The following CELF2 variants were observed in gnomAD, a reference collection of about 807,000 sequenced individuals.
CELF2 encodes CUGBP Elav-like family member 2, also known as CUG triplet repeat RNA-binding protein 2.
Under a neutral mutation model 62.6 loss-of-function variants are expected in CELF2, and 8 were observed. The observed-to-expected ratio is 0.13, with a 90% CI of 0.07 to 0.23. The LOEUF is 0.23. Ranked by LOEUF, CELF2 falls within the 10% of genes least tolerant of loss-of-function variation. The pLI is 1.00. For missense variants in CELF2, 333 were observed against 671.0 expected (o/e 0.50, Z 5.56); for synonymous variants, 258 against 250.0 (o/e 1.03, Z -0.30).
At chr10:10,941,909 G>C (rs1592204343) in intron 2 of CELF2, among the ~76,000 whole-genome samples, 1 of 149,030 alleles carries the variant, frequency 6.7e-6, no homozygotes, top group East Asian at 2.0e-4. Flanking sequence ...CAGAAGAATT[G>C]ATTGAACCTA....
At chr10:10,662,687 C>G in the CELF2 span, among the ~76,000 whole-genome samples, 1 of 142,320 alleles carries the variant, frequency 7.0e-6, no homozygotes, top group Non-Finnish European at 1.5e-5. Context: ...AATTTTAATG[C>G]TAAATTGACA....
chr10:10,892,887 G>A (rs1270744129), intron 1 of CELF2, among the ~76,000 whole-genome samples: 2 of 152,246 alleles, frequency 1.3e-5, no homozygotes, highest in Non-Finnish European at 2.9e-5. Context: ...TGTTTGTCAA[G>A]GAGGATGGAG....
the CELF2 span, among the ~76,000 whole-genome samples, chr10:10,596,021 T>C: frequency 6.6e-6 from 1 of 152,214 alleles, no homozygotes; most frequent in East Asian, 1.9e-4. Context: ...TCAATAAAGC[T>C]GTTTTCTTCT....
chr10:11,113,228 G>A (rs1793177740), intron 1 of CELF2, among the ~76,000 whole-genome samples: 2 of 152,184 alleles, frequency 1.3e-5, no homozygotes, highest in African/African-American at 2.4e-5. Flanking sequence ...TAAGCACTTT[G>A]TCATGTTTCC....
At chr10:11,064,949 C>A (rs1464429362) in intron 1 of CELF2, among the ~76,000 whole-genome samples, 1 of 152,176 alleles carries the variant, frequency 6.6e-6, no homozygotes, top group Non-Finnish European at 1.5e-5. Context: ...AGGAATGTTT[C>A]TTTCTCAAGA....
At chr10:10,874,524 C>T (rs2060965431) in intron 1 of CELF2, among the ~76,000 whole-genome samples, 1 of 151,176 alleles carries the variant, frequency 6.6e-6, no homozygotes, top group African/African-American at 2.4e-5. Flanking sequence ...ATAAATAGAT[C>T]TCTAAGGACT....
chr10:10,707,850 A>G, the CELF2 span, among the ~76,000 whole-genome samples: 3,980 of 152,270 alleles, frequency 0.026, 49 homozygotes, highest in Middle Eastern at 0.041. Context: ...CTCTAAATTC[A>G]CCCTTTGCTA....
At chr10:11,241,851 C>T (rs1378852164) in intron 3 of CELF2, among the ~76,000 whole-genome samples, 2 of 152,086 alleles carry the variant, frequency 1.3e-5, no homozygotes, top group Admixed American at 6.5e-5. Context: ...GATGGGCCTC[C>T]AGTTGGTGGC....
intron 2 of CELF2, among the ~76,000 whole-genome samples, chr10:11,208,815 G>A (rs2061071720): frequency 6.6e-6 from 1 of 152,168 alleles, no homozygotes; most frequent in Non-Finnish European, 1.5e-5. Context: ...AGACAGGAGG[G>A]CAGGAGGGGG....
intron 2 of CELF2, chr10:10,946,517 T>C (rs1402391703): frequency 6.5e-6 from 1 of 152,750 alleles, no homozygotes; most frequent in Admixed American, 6.5e-5. Context: ...CTTACCCCTT[T>C]TCTTTCCCTG....
At chr10:11,015,282 G>C (rs1448528117), upstream of CELF2, among the ~76,000 whole-genome samples, 2 of 152,144 alleles carry the variant, frequency 1.3e-5, no homozygotes, top group Non-Finnish European at 2.9e-5. This position sits in a 1 kb window ranked among gnomAD's most constrained non-coding sequence, Gnocchi z 4.8. Flanking sequence ...GGGTGTTCTT[G>C]TTTTGTTTTC....
chr10:10,969,045 G>A (rs566948637), intron 2 of CELF2, among the ~76,000 whole-genome samples: 30 of 152,292 alleles, frequency 2.0e-4, no homozygotes, highest in African/African-American at 6.5e-4. Context: ...TTATGATTGC[G>A]ATGATGATTA....
At position 11,288,502 on chromosome 10, in the gene CELF2, C is replaced by A. The variant is rs903457783; in HGVS notation, c.926C>A (p.Ala309Glu). The part of the protein sequence containing the change: ...AAQTSATSTN[A>E]NPLSTTSSAL... Reference sequence around the variant, plus strand: ...CAGACCTCAGCCACCAGCACCAATGCAAACCCTCTCTCTACCACGAGCAGC... The same window carrying A: ...CAGACCTCAGCCACCAGCACCAATGAAAACCCTCTCTCTACCACGAGCAGC... Residue 309 changes from alanine to glutamate, a missense_variant, in exon 9 of 13, where the codon GCA becomes GAA. By Grantham distance (107) the Ala-to-Glu change is moderately radical. Coordinates refer to ENST00000633077, the MANE Select transcript of CELF2 (RefSeq NM_001326342.2). The A allele has an allele frequency of 6.2e-7, 1 of 1,613,872 alleles. No individual in the cohort carries two copies. The highest frequency in any genetic ancestry group is 8.5e-7 in the Non-Finnish European group (1 of 1,180,042).
intron 1 of CELF2, among the ~76,000 whole-genome samples, chr10:11,040,127 C>T (rs2061571574): frequency 6.6e-6 from 1 of 152,072 alleles, no homozygotes; most frequent in Non-Finnish European, 1.5e-5. Flanking sequence ...GAAGGTAGGA[C>T]AGGAGGAAGT....
chr10:10,999,214 G>A (rs941054534), intron 2 of CELF2, among the ~76,000 whole-genome samples: 4 of 152,236 alleles, frequency 2.6e-5, no homozygotes, highest in Non-Finnish European at 5.9e-5. Flanking sequence ...ACTAGGTAAC[G>A]CACAGGAAGA....
chr10:11,185,161 G>A (rs1234711322), intron 2 of CELF2, among the ~76,000 whole-genome samples: 2 of 151,914 alleles, frequency 1.3e-5, no homozygotes, highest in African/African-American at 4.8e-5. Context: ...TTGTAAATAT[G>A]ACAAATCACA....
chr10:11,101,185 A>G (rs2051508454), intron 1 of CELF2, among the ~76,000 whole-genome samples: 1 of 152,116 alleles, frequency 6.6e-6, no homozygotes, highest in African/African-American at 2.4e-5. Context: ...GGTGTTAGAG[A>G]GCTAGTTCGC....
At chr10:10,747,472 G>A in the CELF2 span, among the ~76,000 whole-genome samples, 4 of 152,154 alleles carry the variant, frequency 2.6e-5, no homozygotes, top group Admixed American at 2.6e-4. Flanking sequence ...GATGGTGTCT[G>A]GAGGCTGACG....
intron 7 of CELF2, 36 bp from the exon 8 acceptor site, chr10:11,275,021 A>G (rs2085471600): frequency 1.0e-5 from 16 of 1,605,962 alleles, no homozygotes; most frequent in African/African-American, 2.7e-5. Flanking sequence ...CTTTGCTCTC[A>G]CCGTCTCCAC....
Sources: allele counts gnomAD v4.1 joint callset (sites outside exome capture counted in the v4.1 genomes callset), GRCh38; gene constraint gnomAD v4.1.1; non-coding constraint Gnocchi (gnomAD v3.1); transcripts MANE v1.5; gene names NCBI Gene and HGNC (gene_info 2026-07-23, HGNC 2026-07-21).